The following SCAP variants were observed in gnomAD, a reference collection of about 807,000 sequenced individuals.
SCAP encodes the protein sterol regulatory element-binding protein cleavage-activating protein.
SCAP carries 65 observed loss-of-function variants against 123.6 expected under a neutral mutation model. That is an observed-to-expected ratio of 0.53 (90% CI 0.43 to 0.65). SCAP has a LOEUF of 0.65. Among genes scored for constraint, SCAP ranks in the 30% least tolerant of loss-of-function variants. The probability of loss-of-function intolerance (pLI) is 0.00; values close to 1 mark genes in which losing one functional copy is unlikely to be tolerated. For synonymous variants in SCAP, 740 were observed against 726.3 expected (o/e 1.02, Z -0.30); for missense variants, 1,398 against 1,712.5 (o/e 0.82, Z 3.24).
chr3:47,418,004 T>C, intron 16 of SCAP, 130 bp downstream of exon 16: 1 of 236,554 alleles, frequency 4.2e-6, no homozygotes. Flanking sequence ...GGTGCGGGGG[T>C]GGGGGGAGAG....
chr3:47,450,887 G>A (rs1344221029), intron 1 of SCAP, among the ~76,000 whole-genome samples: 1 of 123,490 alleles, frequency 8.1e-6, no homozygotes, highest in Admixed American at 9.0e-5. Context: ...GTCTCACTCT[G>A]TCACCCAGGC....
intron 1 of SCAP, among the ~76,000 whole-genome samples, chr3:47,446,121 G>A (rs573127100): frequency 1.5e-4 from 23 of 150,430 alleles, no homozygotes; most frequent in African/African-American, 4.9e-4. Flanking sequence ...TGATCTGACC[G>A]CCTCAGCCTC....
intron 10 of SCAP, 86 bp downstream of exon 10, chr3:47,422,356 G>T (rs1705938996): frequency 1.7e-6 from 2 of 1,211,990 alleles, no homozygotes; most frequent in Non-Finnish European, 1.2e-6. Flanking sequence ...GTGCTGAAGA[G>T]GGGAGCACCC....
intron 1 of SCAP, among the ~76,000 whole-genome samples, chr3:47,455,110 T>G (rs2107970003): frequency 6.8e-6 from 1 of 146,952 alleles, no homozygotes. Context: ...ACTGAAAACC[T>G]TTTACAGTTG....
At chr3:47,474,796 C>CCAAA (rs909622624) in intron 1 of SCAP, among the ~76,000 whole-genome samples, 6 of 152,044 alleles carry the variant, frequency 3.9e-5, no homozygotes, top group Admixed American at 6.6e-5. Context: ...GACCCTGTCT[C>CCAAA]CAAACAAACA....
At position 47,419,966 on chromosome 3, in the gene SCAP, G is replaced by A. The variant is rs1440003426; in HGVS notation, c.1564-262C>T. On this transcript the variant is annotated intron_variant, in intron 12 of 22. Coordinates refer to ENST00000265565, the MANE Select transcript of SCAP (RefSeq NM_012235.4). This position sits in a 1 kb window ranked among gnomAD's most constrained non-coding sequence, Gnocchi z 5.0. ...TGGAAATACACTGAAGCACCCTGAG[G>A]TTTGACACAGAATGTCCCCACCCCT... Among the ~76,000 whole-genome samples, 1 of 152,202 alleles carries A rather than the reference G, an allele frequency of 6.6e-6. No homozygotes were observed. Among genetic ancestry groups the A allele is most frequent in the Non-Finnish European group, 1.5e-5 (1 of 68,022 alleles).
At chr3:47,428,912 T>G (rs1407406093) in intron 3 of SCAP, 1 of 438,746 alleles carries the variant, frequency 2.3e-6, no homozygotes, top group Non-Finnish European at 4.1e-6. Context: ...GGAACCAAGA[T>G]GGCCGACTGG....
rs370331755 is a variant in SCAP at position 47,418,370 on chromosome 3, G to A, written c.2282C>T (p.Ala761Val). The A allele has an allele frequency of 1.5e-5, 24 of 1,571,688 alleles. No individual in the cohort carries two copies. The highest frequency in any genetic ancestry group is 9.2e-5 in the Admixed American group (5 of 54,558). Residue 761 changes from alanine (A) to valine (V), a missense_variant, in exon 15 of 23, where the codon GCG (alanine) becomes GTG (valine). Transcript: ENST00000265565. The part of the protein sequence containing the change: ...GELPCDDYGY[A>V]PPETEIVPLV... ...CGGCACGATCTCCGTCTCGGGTGGC[G>A]CATAGCCGTAGTCGTCGCAGGGCAG...
In SCAP at chr3:47,420,504, G is replaced by A; in HGVS notation, c.1563+50C>T. ...CAAGTGCAGCACCACAAGGGGCCTG[G>A]AGCACCGGCCCTCCAGAAGAGGGCA... is the stretch of plus-strand genomic sequence containing the variant. On this transcript the variant is annotated intron_variant, in intron 12 of 22. Coordinates refer to ENST00000265565, the MANE Select transcript of SCAP (RefSeq NM_012235.4). This position sits in a 1 kb window ranked among gnomAD's most constrained non-coding sequence, Gnocchi z 5.0. The A allele has an allele frequency of 7.4e-6, 11 of 1,482,192 alleles. No homozygotes were observed. The highest frequency in any genetic ancestry group is 2.4e-5 in the East Asian group (1 of 42,168). The allele number at this position is 1,482,192 out of a possible 1,614,324, so 91.8% of individuals were successfully genotyped here.
At chr3:47,447,820 AAC>A (rs1461967106) in intron 1 of SCAP, among the ~76,000 whole-genome samples, 1 of 152,048 alleles carries the variant, frequency 6.6e-6, no homozygotes, top group Non-Finnish European at 1.5e-5. Flanking sequence ...CAGCCTGGCC[AAC>A]ACAGTGAAAC....
chr3:47,416,280 G>A (rs900016914), intron 18 of SCAP, among the ~76,000 whole-genome samples: 1 of 152,220 alleles, frequency 6.6e-6, no homozygotes, highest in African/African-American at 2.4e-5. Context: ...AACCCAGGTG[G>A]CTGAGACTCC....
chr3:47,420,668 G>A lies in SCAP; in HGVS notation c.1449C>T (p.Ser483=), dbSNP rs1705853722. The A allele has an allele frequency of 1.9e-6, 3 of 1,611,804 alleles. No homozygotes were observed. Among genetic ancestry groups the A allele is most frequent in the South Asian group, 1.1e-5 (1 of 91,016 alleles). The change falls in exon 12 of 23, where the codon TCC becomes TCT. Residue 483 remains serine (S), a synonymous_variant. Coordinates refer to ENST00000265565, the MANE Select transcript of SCAP (RefSeq NM_012235.4). The surrounding 1 kb of genome is among the most constrained non-coding windows in gnomAD (Gnocchi z 5.0). The stretch of plus-strand genomic sequence containing the variant: ...GCTGCAACGTGATGGTGTGGGGTGT[G>A]GACGGCCTCACAGCCAGCTGCCGCT... The part of the protein sequence containing the change: ...RYERQLAVRP[S]TPHTITLQPS...
intron 4 of SCAP, among the ~76,000 whole-genome samples, chr3:47,427,938 C>T (rs1381251761): frequency 6.6e-6 from 1 of 152,164 alleles, no homozygotes; most frequent in Non-Finnish European, 1.5e-5. Context: ...ATGCACAACC[C>T]CACCCACTAA....
Position 47,464,101 on chromosome 3 carries a change from C to T in SCAP, c.-99+11698G>A, listed in dbSNP as rs372172424. Among the ~76,000 whole-genome samples, 18 of 152,228 alleles carry T rather than the reference C, an allele frequency of 1.2e-4. No homozygotes were observed. In the South Asian group the frequency reaches 1.7e-3, roughly 14 times the overall value. ...CATGATCTCAGCTCACTGCAACCTC[C>T]GCCTCCCAGGTTCAAGCAATTCTCC... On this transcript the variant is annotated intron_variant, in intron 1 of 22. Coordinates refer to ENST00000265565, the MANE Select transcript of SCAP (RefSeq NM_012235.4).
Position 47,425,211 on chromosome 3 carries a change from T to C in SCAP, c.1037+274A>G. On this transcript the variant is annotated intron_variant, in intron 8 of 22. Coordinates refer to ENST00000265565, the MANE Select transcript of SCAP (RefSeq NM_012235.4). ...ATACATACTCATGTATACACAAACA[T>C]ACCAACACACACCCCTTATATACAC... The C allele has an allele frequency of 7.2e-6, 3 of 413,890 alleles. No homozygotes were observed. In the South Asian group the frequency reaches 9.9e-5, roughly 14 times the overall value. 25.6% of individuals were successfully genotyped at this position (413,890 alleles called of 1,614,324 possible). A position where few individuals can be genotyped will look rare whatever the true frequency, so the allele number is the denominator to read the frequency against.
At chr3:47,443,519 A>G (rs1459789633) in intron 1 of SCAP, among the ~76,000 whole-genome samples, 15 of 152,038 alleles carry the variant, frequency 9.9e-5, no homozygotes, top group Admixed American at 9.8e-4. Context: ...ATACAGAGAA[A>G]CCCTTTACAT....
intron 2 of SCAP, among the ~76,000 whole-genome samples, chr3:47,437,435 A>AG (rs1460433986): frequency 6.7e-6 from 1 of 148,588 alleles, no homozygotes; most frequent in Non-Finnish European, 1.5e-5. Flanking sequence ...AAAAAAAAAA[A>AG]AAAAAAAAAA....
chr3:47,449,433 T>C (rs891658857), intron 1 of SCAP, among the ~76,000 whole-genome samples: 1 of 124,066 alleles, frequency 8.1e-6, no homozygotes, highest in Non-Finnish European at 1.8e-5. Context: ...AAATCAAGGA[T>C]TCCCTCCATG....
intron 1 of SCAP, among the ~76,000 whole-genome samples, chr3:47,467,382 G>C (rs1450042734): frequency 6.6e-6 from 1 of 151,920 alleles, no homozygotes; most frequent in Non-Finnish European, 1.5e-5. Context: ...AGGTGGATGG[G>C]TCACTTGAGC....
Sources: gnomAD v4.1 joint callset for allele counts (sites outside exome capture counted in the v4.1 genomes callset) on GRCh38, gnomAD v4.1.1 for gene constraint, Gnocchi (gnomAD v3.1) non-coding constraint, MANE v1.5 for transcripts, NCBI Gene and HGNC (gene_info 2026-07-23, HGNC 2026-07-21) for gene names.